Variants in DLG2 observed in about 807,000 individuals in gnomAD.
DLG2 encodes the protein disks large homolog 2.
A neutral mutation model predicts 132.5 loss-of-function variants in DLG2; 45 were observed. That is an observed-to-expected ratio of 0.34 (90% CI 0.27 to 0.44). The LOEUF is 0.44. Among genes scored for constraint, DLG2 ranks in the 20% least tolerant of loss-of-function variants. The probability of loss-of-function intolerance (pLI) is 1.00; values close to 1 mark genes in which losing one functional copy is unlikely to be tolerated. For missense variants in DLG2, 1,045 were observed against 1,196.9 expected (o/e 0.87, Z 1.87); for synonymous variants, 424 against 419.6 (o/e 1.01, Z -0.13).
intron 6 of DLG2, among the ~76,000 whole-genome samples, chr11:85,046,477 C>T (rs1339865944): frequency 1.3e-5 from 2 of 151,720 alleles, no homozygotes; most frequent in East Asian, 1.9e-4. Context: ...ATATATCATA[C>T]CCTGATTACT....
At position 83,660,111 on chromosome 11, in the gene DLG2, A is replaced by T. The variant is rs557814974; in HGVS notation, c.1826-26786T>A. On this transcript the variant is annotated intron_variant, in intron 18 of 27. Transcript: ENST00000376104. The stretch of plus-strand genomic sequence containing the variant: ...TAGAGGGTCATACTTTAAGAAAAAG[A>T]AAATGTGCAAAAGGATAGGTTTTTG... 9.8e-5 allele frequency among the ~76,000 whole-genome samples: 15 copies of T among 152,348 alleles called. No homozygotes were observed. The East Asian group carries it at 2.9e-3, about 29-fold the overall frequency.
intron 7 of DLG2, among the ~76,000 whole-genome samples, chr11:84,307,029 C>T (rs1442630125): frequency 6.6e-6 from 1 of 152,168 alleles, no homozygotes; most frequent in East Asian, 1.9e-4. Flanking sequence ...AATTATTCTA[C>T]TATAAACACA....
At chr11:84,764,880 A>G (rs1194561781) in intron 6 of DLG2, among the ~76,000 whole-genome samples, 2 of 152,096 alleles carry the variant, frequency 1.3e-5, no homozygotes, top group Admixed American at 6.6e-5. Flanking sequence ...GGGGAAATGT[A>G]GGCAGGTTCA....
At chr11:85,070,331 A>C (rs2065655879) in intron 6 of DLG2, among the ~76,000 whole-genome samples, 2 of 150,668 alleles carry the variant, frequency 1.3e-5, no homozygotes, top group Non-Finnish European at 1.5e-5. Flanking sequence ...TAAATAAATA[A>C]ATAAATAAAA....
intron 7 of DLG2, among the ~76,000 whole-genome samples, chr11:84,341,411 AT>A (rs2098514049): frequency 1.3e-5 from 2 of 152,272 alleles, no homozygotes; most frequent in South Asian, 4.1e-4. Flanking sequence ...AGGCATGCCT[AT>A]TTTTGTTGGC....
At chr11:83,659,537 T>C (rs1052573708) in intron 18 of DLG2, among the ~76,000 whole-genome samples, 8 of 152,256 alleles carry the variant, frequency 5.3e-5, no homozygotes, top group African/African-American at 1.7e-4. Flanking sequence ...GGCAGGCCAA[T>C]AGGTTTGGCC....
At chr11:85,156,538 C>T (rs2152462901) in intron 4 of DLG2, among the ~76,000 whole-genome samples, 1 of 152,186 alleles carries the variant, frequency 6.6e-6, no homozygotes, top group East Asian at 1.9e-4. Flanking sequence ...TTTTGTGCTC[C>T]CCTCTTTGGG....
intron 11 of DLG2, among the ~76,000 whole-genome samples, chr11:84,049,510 T>G (rs1200165305): frequency 2.0e-5 from 3 of 151,800 alleles, no homozygotes; most frequent in Non-Finnish European, 2.9e-5. Context: ...CCACATTGCT[T>G]TGATGGTTAT....
chr11:85,568,025 T>G (rs573290027), intron 3 of DLG2, among the ~76,000 whole-genome samples: 21 of 151,712 alleles, frequency 1.4e-4, no homozygotes, highest in Middle Eastern at 3.4e-3. Context: ...TTTTTTTTTT[T>G]TTTTTTGAGA....
Position 84,057,339 on chromosome 11 carries a change from A to G in DLG2, c.919+1976T>C, listed in dbSNP as rs137926934. Among the ~76,000 whole-genome samples the G allele has an allele frequency of 1.4e-4, 22 of 152,280 alleles. No individual in the cohort carries two copies. In the East Asian group the frequency reaches 4.2e-3, roughly 29 times the overall value. ...TCTTTACTGAGTGGTTAAAATTAGT[A>G]TTTGTCTTAGGGCTATGCTGAATAA... On this transcript the variant is annotated intron_variant, in intron 11 of 27. Coordinates refer to ENST00000376104, the MANE Select transcript of DLG2 (RefSeq NM_001142699.3).
chr11:84,515,600 A>G (rs1397018422), intron 7 of DLG2, among the ~76,000 whole-genome samples: 1 of 151,914 alleles, frequency 6.6e-6, no homozygotes, highest in African/African-American at 2.4e-5. Context: ...AAATATGGAT[A>G]GATCTGAATG....
rs976539576 is a variant in DLG2, at chr11:84,762,532, C to G, written c.358-227801G>C. Among the ~76,000 whole-genome samples the G allele has an allele frequency of 2.6e-5, 4 of 152,226 alleles. No individual in the cohort carries two copies. In the East Asian group the frequency reaches 7.7e-4, roughly 29 times the overall value. On this transcript the variant is annotated intron_variant, in intron 6 of 27. Transcript: ENST00000376104. The stretch of plus-strand genomic sequence containing the variant: ...ATAAAGGCAAGAAAACTATTCATAT[C>G]AGTTAATATAGTTTTTTGCTTTGTT...
chr11:84,316,076 C>A (rs553017373), intron 7 of DLG2, among the ~76,000 whole-genome samples: 58 of 152,074 alleles, frequency 3.8e-4, no homozygotes, highest in African/African-American at 1.4e-3. Flanking sequence ...AAAAAATGAG[C>A]CAATTTTATT....
Position 85,301,536 on chromosome 11 carries a change from G to A in DLG2, c.41-16171C>T, listed in dbSNP as rs144692160. Among the ~76,000 whole-genome samples the A allele has an allele frequency of 3.3e-4, 50 of 152,210 alleles. No homozygotes were observed. In the East Asian group the frequency reaches 6.4e-3, roughly 19 times the overall value. On this transcript the variant is annotated intron_variant, in intron 3 of 27. Transcript: ENST00000376104. The stretch of plus-strand genomic sequence containing the variant: ...AAAAGAAAAGGAGTCTGTGAGTCTC[G>A]ATTATGCAGGGCTAGAACTGTGAGG...
chr11:85,002,073 A>G (rs1196505415), intron 6 of DLG2, among the ~76,000 whole-genome samples: 2 of 152,174 alleles, frequency 1.3e-5, no homozygotes, highest in African/African-American at 4.8e-5. Flanking sequence ...GGTGATTCCA[A>G]TAGATAGTCA....
intron 7 of DLG2, among the ~76,000 whole-genome samples, chr11:84,415,413 T>C (rs1466874543): frequency 6.6e-6 from 1 of 152,244 alleles, no homozygotes; most frequent in Non-Finnish European, 1.5e-5. Context: ...GAACATTATG[T>C]ACAAAGCACT....
intron 19 of DLG2, among the ~76,000 whole-genome samples, chr11:83,547,513 T>A (rs913338396): frequency 5.3e-5 from 8 of 152,092 alleles, no homozygotes; most frequent in African/African-American, 1.9e-4. Flanking sequence ...CACTGCTGGC[T>A]TCAAAGTTAG....
chr11:85,029,455 T>G (rs1351569621), intron 6 of DLG2, among the ~76,000 whole-genome samples: 6 of 152,198 alleles, frequency 3.9e-5, no homozygotes, highest in African/African-American at 7.2e-5. Context: ...GGTGCTAAGA[T>G]AACAGTTGTC....
intron 4 of DLG2, among the ~76,000 whole-genome samples, chr11:85,171,670 C>T (rs2152494380): frequency 6.6e-6 from 1 of 152,288 alleles, no homozygotes; most frequent in Middle Eastern, 3.4e-3. Flanking sequence ...GCTTGGAATT[C>T]CAGCCAGCCA....
Sources: gnomAD v4.1 joint callset for allele counts (sites outside exome capture counted in the v4.1 genomes callset) on GRCh38, gnomAD v4.1.1 for gene constraint, MANE v1.5 for transcripts, NCBI Gene and HGNC (gene_info 2026-07-23, HGNC 2026-07-21) for gene names.